Variants in ARID1B observed in about 807,000 individuals in gnomAD.
ARID1B encodes AT-rich interaction domain 1B, also known as AT-rich interactive domain-containing protein 1B.
ARID1B carries 30 observed loss-of-function variants against 212.3 expected under a neutral mutation model. That is an observed-to-expected ratio of 0.14 (90% confidence interval 0.11 to 0.19). ARID1B has a LOEUF of 0.19. Among genes scored for constraint, ARID1B ranks in the 10% least tolerant of loss-of-function variants. The probability of loss-of-function intolerance (pLI) is 1.00; values close to 1 mark genes in which losing one functional copy is unlikely to be tolerated. For missense variants in ARID1B, 2,891 were observed against 3,204.0 expected (o/e 0.90, Z 2.36); for synonymous variants, 1,402 against 1,301.7 (o/e 1.08, Z -1.66).
chr6:156,812,985 T>TACATACGTATGTATATACATATATATAC (rs1562404182), intron 1 of ARID1B, among the ~76,000 whole-genome samples: 10,477 of 105,114 alleles, frequency 0.1, 952 homozygotes, highest in East Asian at 0.36. Context: ...TGTATGTATA[T>TACATACGTATGTATATACATATATATAC]ACATACGTAT....
At chr6:156,909,123 CT>C (rs60183999) in intron 3 of ARID1B, among the ~76,000 whole-genome samples, 11,856 of 108,484 alleles carry the variant, frequency 0.11, 198 homozygotes, top group South Asian at 0.21. Context: ...TTTTCTTTCT[CT>C]TTTTTTTTTT....
chr6:156,812,975 T>TACATAC (rs1159448637), intron 1 of ARID1B, among the ~76,000 whole-genome samples: 2,269 of 103,466 alleles, frequency 0.022, 276 homozygotes, highest in Non-Finnish European at 0.027. Flanking sequence ...TGTGTGTGTG[T>TACATAC]GTATGTATAT....
At chr6:156,934,125 G>GACA (rs1158549768) in intron 3 of ARID1B, among the ~76,000 whole-genome samples, 2 of 152,202 alleles carry the variant, frequency 1.3e-5, no homozygotes, top group African/African-American at 4.8e-5. Flanking sequence ...TATTTGAACT[G>GACA]ACAAGGGAAG....
chr6:157,184,852 C>T (rs111934969), intron 13 of ARID1B: 4 of 199,680 alleles, frequency 2.0e-5, no homozygotes, highest in Non-Finnish European at 3.1e-5. Flanking sequence ...CGAGCTCCCC[C>T]GCCCTCTTTC....
intron 1 of ARID1B, among the ~76,000 whole-genome samples, chr6:156,795,645 G>C (rs1780314237): frequency 6.6e-6 from 1 of 152,130 alleles, no homozygotes. Flanking sequence ...GCCAGATTCA[G>C]TGGTGTTAGG....
intron 5 of ARID1B, among the ~76,000 whole-genome samples, 173 bp from the exon 6 acceptor site, chr6:157,110,299 C>T (rs376623680): frequency 6.6e-6 from 1 of 152,006 alleles, no homozygotes; most frequent in Non-Finnish European, 1.5e-5. Flanking sequence ...CATGTTTCCT[C>T]TTTGTTTCCC....
At chr6:157,100,088 C>G (rs536698366) in intron 5 of ARID1B, among the ~76,000 whole-genome samples, 1 of 152,220 alleles carries the variant, frequency 6.6e-6, no homozygotes, top group African/African-American at 2.4e-5. Flanking sequence ...AGGGGCTTAA[C>G]TCCTTCAAGG....
intron 6 of ARID1B, among the ~76,000 whole-genome samples, chr6:157,120,412 G>A (rs998833845): frequency 6.6e-6 from 1 of 152,158 alleles, no homozygotes; most frequent in Non-Finnish European, 1.5e-5. Context: ...AGAGGGAGTC[G>A]TTTTGCCAGT....
intron 13 of ARID1B, among the ~76,000 whole-genome samples, chr6:157,188,306 A>C (rs993550273): frequency 6.6e-6 from 1 of 152,120 alleles, no homozygotes; most frequent in African/African-American, 2.4e-5. Flanking sequence ...ACAGGGACGG[A>C]TGTTACGCAG....
At chr6:157,114,438 C>T (rs1269857832) in intron 6 of ARID1B, among the ~76,000 whole-genome samples, 8 of 144,466 alleles carry the variant, frequency 5.5e-5, no homozygotes, top group African/African-American at 2.1e-4. Flanking sequence ...GCAGGAGAAT[C>T]GCTTGAACCA....
chr6:157,039,358 C>T (rs1583195106), intron 4 of ARID1B, among the ~76,000 whole-genome samples: 1 of 82,192 alleles, frequency 1.2e-5, no homozygotes, highest in Middle Eastern at 5.7e-3. Flanking sequence ...GAGTCTCGCT[C>T]TGTCGCCCAG....
chr6:156,966,391 T>TTTC (rs1562516371), intron 4 of ARID1B, among the ~76,000 whole-genome samples: 2 of 132,714 alleles, frequency 1.5e-5, no homozygotes, highest in African/African-American at 3.4e-5. Flanking sequence ...CTTTTCTTTT[T>TTTC]TTTTTTTTTT....
chr6:156,812,978 A>G (rs867931222), intron 1 of ARID1B, among the ~76,000 whole-genome samples: 12 of 119,912 alleles, frequency 1.0e-4, no homozygotes, highest in African/African-American at 2.4e-4. Flanking sequence ...GTGTGTGTGT[A>G]TGTATATACA....
chr6:157,044,385 A>G (rs1326592622), intron 4 of ARID1B, among the ~76,000 whole-genome samples: 1 of 152,230 alleles, frequency 6.6e-6, no homozygotes, highest in Non-Finnish European at 1.5e-5. Flanking sequence ...TCATTATGAA[A>G]GTATCTGTAT....
At chr6:156,911,624 G>A (rs2128226668) in intron 3 of ARID1B, among the ~76,000 whole-genome samples, 1 of 152,304 alleles carries the variant, frequency 6.6e-6, no homozygotes, top group East Asian at 1.9e-4. Context: ...TTTCAAACAT[G>A]AGTATGATTC....
At chr6:156,907,494 A>T (rs1789496558) in intron 3 of ARID1B, among the ~76,000 whole-genome samples, 2 of 152,176 alleles carry the variant, frequency 1.3e-5, no homozygotes, top group Admixed American at 1.3e-4. Context: ...TTTTTTATTC[A>T]TCACTGGATT....
At chr6:157,071,461 T>A (rs1165566039) in intron 4 of ARID1B, 3 of 152,178 alleles carry the variant, frequency 2.0e-5, no homozygotes, top group African/African-American at 4.8e-5. Context: ...TTTAAAAGCA[T>A]CAGTTCACAA....
chr6:156,907,490 A>G (rs1789496317), intron 3 of ARID1B, among the ~76,000 whole-genome samples: 1 of 152,150 alleles, frequency 6.6e-6, no homozygotes, highest in South Asian at 2.1e-4. Context: ...TGTCTTTTTT[A>G]TTCATCACTG....
intron 4 of ARID1B, among the ~76,000 whole-genome samples, chr6:157,063,056 T>C (rs1251186020): frequency 6.6e-6 from 1 of 152,134 alleles, no homozygotes; most frequent in East Asian, 1.9e-4. Flanking sequence ...AATGGATGGG[T>C]CCTACTGACC....
Sources: gnomAD v4.1 joint callset for allele counts (sites outside exome capture counted in the v4.1 genomes callset) on GRCh38, gnomAD v4.1.1 for gene constraint, MANE v1.5 for transcripts, NCBI Gene and HGNC (gene_info 2026-07-23, HGNC 2026-07-21) for gene names.